The following OR52N1 variants were observed in gnomAD, a reference collection of about 807,000 sequenced individuals.
OR52N1 encodes olfactory receptor 52N1.
Under a neutral mutation model 13.9 loss-of-function variants are expected in OR52N1, and 11 were observed. That is an observed-to-expected ratio of 0.79 (90% CI 0.50 to 1.31). OR52N1 has a LOEUF of 1.31. OR52N1 is among the 40% of genes most tolerant of loss of function. The probability of loss-of-function intolerance (pLI) is 0.00; values close to 1 mark genes in which losing one functional copy is unlikely to be tolerated. For synonymous variants in OR52N1, 142 were observed against 143.7 expected (o/e 0.99, Z 0.08); for missense variants, 414 against 397.7 (o/e 1.04, Z -0.35).
intron 1 of OR52N1, among the ~76,000 whole-genome samples, chr11:5,789,145 T>C (rs1854630787): frequency 1.3e-5 from 2 of 152,188 alleles, no homozygotes; most frequent in Admixed American, 1.3e-4. Context: ...AACTCTGTGG[T>C]CAAGAATTGA....
At chr11:5,790,993 A>G (rs1210377068) in intron 1 of OR52N1, 118 bp downstream of exon 1, 1 of 152,074 alleles carries the variant, frequency 6.6e-6, no homozygotes, top group African/African-American at 2.4e-5. Context: ...CTGGGTGATG[A>G]AATAATCTGT....
rs1554951573 is a variant in OR52N1, at chr11:5,788,866, AG to A, written c.-44-7del. 2.2e-6 allele frequency: 3 copies of A among 1,392,662 alleles called. No individual in the cohort carries two copies. Among genetic ancestry groups the A allele is most frequent in the Admixed American group, 5.5e-5 (2 of 36,204 alleles). The allele number at this position is 1,392,662 out of a possible 1,614,324, so 86.3% of individuals were successfully genotyped here. ...TAGCAGTTATAGCATTGCCTCTGTG[AG>A]CAGGAAATAAAAAAAAGAGTAATTT... On this transcript the variant is annotated splice_region_variant and splice_polypyrimidine_tract_variant and intron_variant, in intron 1 of 1. Coordinates refer to ENST00000641645, the MANE Select transcript of OR52N1 (RefSeq NM_001001913.2).
At chr11:5,789,887 A>G (rs1348163188) in intron 1 of OR52N1, among the ~76,000 whole-genome samples, 1 of 152,128 alleles carries the variant, frequency 6.6e-6, no homozygotes, top group Non-Finnish European at 1.5e-5. Context: ...TTGGTGTGAT[A>G]GTGTGCTGTG....
Position 5,788,356 on chromosome 11 carries a change from C to G in OR52N1, c.461G>C (p.Gly154Ala), listed in dbSNP as rs746238148. 1 of 1,613,934 alleles carries G rather than the reference C, an allele frequency of 6.2e-7. No homozygotes were observed. Among genetic ancestry groups the G allele is most frequent in the Admixed American group, 1.7e-5 (1 of 59,970 alleles). ...AKAGFLTFLRGVMLVIPSTFL... is the reference protein window; with the variant it reads ...AKAGFLTFLRAVMLVIPSTFL... The stretch of plus-strand genomic sequence containing the variant: ...AGTGGAAGGGATAACAAGCATCACA[C>G]CCCTAAGAAAAGTGAGGAACCCAGC... The change falls in exon 2 of 2, where the codon GGT becomes GCT. Residue 154 changes from glycine to alanine, a missense_variant. By Grantham distance (60) the Gly-to-Ala change is moderately conservative (BLOSUM62 0). Transcript: ENST00000641645.
chr11:5,789,798 T>C (rs1459646897), intron 1 of OR52N1, among the ~76,000 whole-genome samples: 2 of 152,010 alleles, frequency 1.3e-5, no homozygotes, highest in African/African-American at 4.8e-5. Context: ...TTCAATACGT[T>C]TTTCAAGGCC....
intron 1 of OR52N1, 94 bp from the exon 2 acceptor site, chr11:5,788,954 C>A: frequency 1.1e-6 from 1 of 870,330 alleles, no homozygotes; most frequent in Non-Finnish European, 1.7e-6. Flanking sequence ...CCTTGTAGAT[C>A]AATGACTATA....
chr11:5,788,925 A>C, intron 1 of OR52N1, 65 bp from the exon 2 acceptor site: 1 of 1,217,874 alleles, frequency 8.2e-7, no homozygotes, highest in East Asian at 2.4e-5. Context: ...CTTCTTTCCC[A>C]TAATGGCTAT....
Position 5,788,688 on chromosome 11 carries a change from C to T in OR52N1, c.129G>A (p.Gly43=), listed in dbSNP as rs1441327052. 1.9e-6 allele frequency: 3 copies of T among 1,613,840 alleles called. No homozygotes were observed. In the Admixed American group the frequency reaches 5.0e-5, roughly 27 times the overall value. Residue 43 remains glycine, a synonymous_variant, in exon 2 of 2, where the codon GGG becomes GGA. Transcript: ENST00000641645. ...AGATGAGGTACATAAGGCCGAAGTT[C>T]CCTGTAATAGCAATGCTGTACATGG... is the stretch of plus-strand genomic sequence containing the variant. ...LCTMYSIAIT[G]NFGLMYLIYC...
chr11:5,790,161 C>G (rs1854640784), intron 1 of OR52N1, among the ~76,000 whole-genome samples: 1 of 151,998 alleles, frequency 6.6e-6, no homozygotes, highest in South Asian at 2.1e-4. Flanking sequence ...AGGGATGTCA[C>G]TATTGAAAAT....
Position 5,788,140 on chromosome 11 carries a change from G to C in OR52N1, c.677C>G (p.Ala226Gly). 1 of 1,614,014 alleles carries C rather than the reference G, an allele frequency of 6.2e-7. No homozygotes were observed. The highest frequency in any genetic ancestry group is 8.5e-7 in the Non-Finnish European group (1 of 1,179,960). Residue 226 changes from alanine (A) to glycine (G), a missense_variant, in exon 2 of 2, where the codon GCA (alanine) becomes GGA (glycine). Ala to Gly is a moderately conservative substitution (Grantham distance 60). Coordinates refer to ENST00000641645, the MANE Select transcript of OR52N1 (RefSeq NM_001001913.2). Reference protein sequence around the residue: ...ITISYTMILQAVVSLSSADAR... With the variant: ...ITISYTMILQGVVSLSSADAR... ...ATCTGCTGATGATAGACTCACAACT[G>C]CTTGAAGAATCATAGTGTAGGAGAT...
chr11:5,791,027 T>C (rs1182711172), intron 1 of OR52N1, 84 bp downstream of exon 1: 1 of 152,094 alleles, frequency 6.6e-6, no homozygotes, highest in Non-Finnish European at 1.5e-5. Flanking sequence ...ATGACACATA[T>C]TAACTTATGT....
rs1854627973 is a variant in OR52N1, at chr11:5,788,872, A to G, written c.-44-12T>C. 5.3e-6 allele frequency: 7 copies of G among 1,330,550 alleles called. No individual in the cohort carries two copies. The highest frequency in any genetic ancestry group is 6.8e-6 in the Non-Finnish European group (7 of 1,032,926). 82.4% of individuals were successfully genotyped at this position (1,330,550 alleles called of 1,614,324 possible). On this transcript the variant is annotated splice_polypyrimidine_tract_variant and intron_variant, in intron 1 of 1. Coordinates refer to ENST00000641645, the MANE Select transcript of OR52N1 (RefSeq NM_001001913.2). ...TTATAGCATTGCCTCTGTGAGCAGG[A>G]AATAAAAAAAAGAGTAATTTCAAGG...
At chr11:5,788,935 T>A (rs1254232731) in intron 1 of OR52N1, 75 bp from the exon 2 acceptor site, 6 of 1,120,972 alleles carry the variant, frequency 5.4e-6, no homozygotes, top group Non-Finnish European at 7.5e-6. Flanking sequence ...ATAATGGCTA[T>A]TTTGTTTTCC....
In OR52N1 at chr11:5,790,484, T is replaced by C. The variant is rs116368001; in HGVS notation, c.-45+627A>G. 9.9e-3 allele frequency among the ~76,000 whole-genome samples: 1,504 copies of C among 152,186 alleles called. 27 individuals carry two copies. Among genetic ancestry groups the C allele is most frequent in the African/African-American group, 0.034 (1,427 of 41,552 alleles). On this transcript the variant is annotated intron_variant, in intron 1 of 1. Coordinates refer to ENST00000641645, the MANE Select transcript of OR52N1 (RefSeq NM_001001913.2). ...ATAAATAGAATACTTCCTGCAAAGATTGTTTCAGTAATTGAAATGTGAATA... is the reference window on the plus strand; with the variant it reads ...ATAAATAGAATACTTCCTGCAAAGACTGTTTCAGTAATTGAAATGTGAATA...
rs903988138 is a variant in OR52N1, at chr11:5,787,611, C to G, written c.*243G>C. On this transcript the variant is annotated 3_prime_UTR_variant, in exon 2 of 2. Transcript: ENST00000641645. ...TGTCATTTAGGAGAGAAGATGATGT[C>G]TGTGAAGATTAAATGCAGTGAACTT... 2 of 325,548 alleles carry G rather than the reference C, an allele frequency of 6.1e-6. No individual in the cohort carries two copies. The highest frequency in any genetic ancestry group is 1.1e-5 in the Non-Finnish European group (2 of 180,004). 20.2% of individuals were successfully genotyped at this position (325,548 alleles called of 1,614,324 possible). A position where few individuals can be genotyped will look rare whatever the true frequency, so the allele number is the denominator to read the frequency against.
rs11039038 is a variant in OR52N1 at position 5,788,760 on chromosome 11, G to T, written c.57C>A (p.Ile19=). ...LTPASFILNG[I]PGLEDVHLWI... ...ACAAATGCACATCTTCCAAACCAGG[G>T]ATGCCATTTAGGATGAATGAAGCTG... Residue 19 remains isoleucine, a synonymous_variant, in exon 2 of 2, where the codon ATC becomes ATA. Coordinates refer to ENST00000641645, the MANE Select transcript of OR52N1 (RefSeq NM_001001913.2). The T allele has an allele frequency of 6.2e-7, 1 of 1,611,046 alleles. No individual in the cohort carries two copies. The highest frequency in any genetic ancestry group is 8.5e-7 in the Non-Finnish European group (1 of 1,179,794).
intron 1 of OR52N1, among the ~76,000 whole-genome samples, chr11:5,790,453 G>A (rs1590356433): frequency 6.6e-6 from 1 of 152,048 alleles, no homozygotes; most frequent in African/African-American, 2.4e-5. Context: ...TTCACAGCCA[G>A]AGGGAATAAA....
In OR52N1 at chr11:5,788,758, G is replaced by A. The variant is rs370553004; in HGVS notation, c.59C>T (p.Pro20Leu). 3.1e-6 allele frequency: 5 copies of A among 1,611,504 alleles called. No homozygotes were observed. The African/African-American group carries it at 4.0e-5, about 13-fold the overall frequency. The change falls in exon 2 of 2, where the codon CCT (proline) becomes CTT (leucine). Residue 20 changes from proline to leucine, a missense_variant. Pro to Leu is a moderately conservative substitution (Grantham distance 98). Transcript: ENST00000641645. The stretch of plus-strand genomic sequence containing the variant: ...CCACAAATGCACATCTTCCAAACCA[G>A]GGATGCCATTTAGGATGAATGAAGC... Reference protein sequence around the residue: ...TPASFILNGIPGLEDVHLWIS... With the variant: ...TPASFILNGILGLEDVHLWIS...
chr11:5,790,371 A>AT (rs1464784077), intron 1 of OR52N1, among the ~76,000 whole-genome samples: 1 of 152,104 alleles, frequency 6.6e-6, no homozygotes, highest in Non-Finnish European at 1.5e-5. Flanking sequence ...AAAGTATGGA[A>AT]TGAGGCTGTC....
Sources: allele counts gnomAD v4.1 joint callset (sites outside exome capture counted in the v4.1 genomes callset), GRCh38; gene constraint gnomAD v4.1.1; transcripts MANE v1.5; gene names NCBI Gene and HGNC (gene_info 2026-07-23, HGNC 2026-07-21).